Variants in NLGN1 observed in about 807,000 individuals in gnomAD.
NLGN1 encodes the protein neuroligin-1.
Under a neutral mutation model 65.5 loss-of-function variants are expected in NLGN1, and 12 were observed. The ratio of observed to expected loss-of-function variants is 0.18; its 90% CI spans 0.12 to 0.30. The LOEUF (loss-of-function observed/expected upper bound fraction) is 0.30, where lower values mean the gene tolerates loss of function less well. Ranked by LOEUF, NLGN1 falls within the 10% of genes least tolerant of loss-of-function variation. The probability of loss-of-function intolerance (pLI) is 1.00; values close to 1 mark genes in which losing one functional copy is unlikely to be tolerated. For missense variants in NLGN1, 750 were observed against 1,007.1 expected (o/e 0.74, Z 3.46); for synonymous variants, 350 against 359.5 (o/e 0.97, Z 0.30).
At chr3:173,407,191 G>A (rs994019414) in intron 1 of NLGN1, among the ~76,000 whole-genome samples, 12 of 152,196 alleles carry the variant, frequency 7.9e-5, no homozygotes, top group Middle Eastern at 3.4e-3. Flanking sequence ...GACTAAATGC[G>A]TAGAATCACA....
intron 4 of NLGN1, among the ~76,000 whole-genome samples, chr3:174,011,048 T>G (rs915829587): frequency 2.0e-5 from 3 of 152,170 alleles, no homozygotes; most frequent in African/African-American, 7.2e-5. Flanking sequence ...ACAATTTACG[T>G]ATGAATAGCC....
chr3:173,999,736 C>T (rs575239878), intron 4 of NLGN1, among the ~76,000 whole-genome samples: 1 of 152,210 alleles, frequency 6.6e-6, no homozygotes, highest in African/African-American at 2.4e-5. Context: ...TGGTATTACC[C>T]AGTGTGACCA....
chr3:174,046,921 A>G (rs1300810983), intron 4 of NLGN1, among the ~76,000 whole-genome samples: 2 of 152,066 alleles, frequency 1.3e-5, no homozygotes, highest in Non-Finnish European at 2.9e-5. Flanking sequence ...AAGAAAATTT[A>G]TAAAAGGTTT....
At chr3:173,493,527 T>C (rs1168144760) in intron 2 of NLGN1, among the ~76,000 whole-genome samples, 1 of 151,908 alleles carries the variant, frequency 6.6e-6, no homozygotes, top group East Asian at 1.9e-4. Flanking sequence ...AATAATACTA[T>C]AATAGCTAAC....
At chr3:173,824,673 A>G (rs985064354) in intron 4 of NLGN1, among the ~76,000 whole-genome samples, 2 of 152,146 alleles carry the variant, frequency 1.3e-5, no homozygotes, top group African/African-American at 4.8e-5. Flanking sequence ...CTTTTATAAA[A>G]GATGCATATA....
chr3:173,941,741 T>G (rs1460437942), intron 4 of NLGN1, among the ~76,000 whole-genome samples: 1 of 152,036 alleles, frequency 6.6e-6, no homozygotes, highest in Non-Finnish European at 1.5e-5. Context: ...AACTGTGTTA[T>G]AGGAAAACAA....
At chr3:174,131,676 T>C (rs566098298) in intron 4 of NLGN1, among the ~76,000 whole-genome samples, 4 of 152,308 alleles carry the variant, frequency 2.6e-5, no homozygotes, top group South Asian at 2.1e-4. Context: ...TTCCTTAGCA[T>C]TGAAGGACTC....
At chr3:174,019,338 TG>T (rs1290074023) in intron 4 of NLGN1, among the ~76,000 whole-genome samples, 7 of 152,246 alleles carry the variant, frequency 4.6e-5, no homozygotes, top group African/African-American at 1.7e-4. Context: ...TGGATAGGAC[TG>T]GTGGCTTTAT....
chr3:173,559,127 G>A (rs1742220493), intron 2 of NLGN1, among the ~76,000 whole-genome samples: 1 of 152,072 alleles, frequency 6.6e-6, no homozygotes, highest in Admixed American at 6.5e-5. Context: ...TCAGATATTT[G>A]GTTTATCTTT....
At chr3:174,128,039 C>T (rs1719332683) in intron 4 of NLGN1, among the ~76,000 whole-genome samples, 1 of 152,086 alleles carries the variant, frequency 6.6e-6, no homozygotes. Context: ...GCCCATCTCT[C>T]AATGAGAATT....
downstream of NLGN1, among the ~76,000 whole-genome samples, chr3:174,288,207 T>C (rs973473755): frequency 4.6e-5 from 7 of 151,610 alleles, no homozygotes; most frequent in Non-Finnish European, 8.9e-5. Context: ...TAGTGAATTC[T>C]ATTGAGCCAG....
chr3:174,235,498 C>T (rs1741542426), intron 4 of NLGN1, among the ~76,000 whole-genome samples: 1 of 152,194 alleles, frequency 6.6e-6, no homozygotes, highest in South Asian at 2.1e-4. Context: ...TTTAGCAAAC[C>T]ATTTTTAGTA....
intron 3 of NLGN1, among the ~76,000 whole-genome samples, chr3:173,794,442 A>T (rs771876510): frequency 1.2e-4 from 18 of 152,130 alleles, no homozygotes; most frequent in Non-Finnish European, 2.1e-4. Flanking sequence ...TATTGATGCC[A>T]TCCCAATCCC....
intron 4 of NLGN1, among the ~76,000 whole-genome samples, chr3:174,181,557 G>C (rs894951623): frequency 9.9e-5 from 15 of 152,124 alleles, no homozygotes; most frequent in Non-Finnish European, 4.4e-5. Context: ...ACCTGGAAGA[G>C]AGCCTGCCCT....
At chr3:173,510,066 A>G (rs1365035336) in intron 2 of NLGN1, among the ~76,000 whole-genome samples, 2 of 152,196 alleles carry the variant, frequency 1.3e-5, no homozygotes, top group African/African-American at 2.4e-5. Context: ...TACATATGGA[A>G]CAATGTACAG....
At chr3:174,044,413 A>G (rs894373458) in intron 4 of NLGN1, among the ~76,000 whole-genome samples, 1 of 152,168 alleles carries the variant, frequency 6.6e-6, no homozygotes, top group African/African-American at 2.4e-5. Flanking sequence ...TTCCTCTTGA[A>G]TGCTTTACCA....
intron 4 of NLGN1, among the ~76,000 whole-genome samples, chr3:174,166,978 C>T (rs1577183051): frequency 6.6e-6 from 1 of 152,040 alleles, no homozygotes; most frequent in Non-Finnish European, 1.5e-5. Context: ...TTAATGTCTG[C>T]TTTATCTGAT....
chr3:173,610,307 G>C (rs1340559952), intron 3 of NLGN1, among the ~76,000 whole-genome samples: 1 of 152,038 alleles, frequency 6.6e-6, no homozygotes, highest in Non-Finnish European at 1.5e-5. Context: ...GAAGGGTTAC[G>C]GGAGAAGCAG....
intron 3 of NLGN1, among the ~76,000 whole-genome samples, chr3:173,665,959 A>T (rs964847356): frequency 6.6e-6 from 1 of 152,060 alleles, no homozygotes. Flanking sequence ...TATATGCCTG[A>T]CACTTTTCCT....
Sources: gnomAD v4.1 joint callset for allele counts (sites outside exome capture counted in the v4.1 genomes callset) on GRCh38, gnomAD v4.1.1 for gene constraint, MANE v1.5 for transcripts, NCBI Gene and HGNC (gene_info 2026-07-23, HGNC 2026-07-21) for gene names.